TENM4: variants seen among roughly 807,000 people sequenced by gnomAD.
TENM4 encodes the protein teneurin transmembrane protein 4.
In TENM4, 82 loss-of-function variants were observed where a neutral mutation model predicts 243.3. The ratio of observed to expected loss-of-function variants is 0.34; its 90% CI spans 0.28 to 0.40. The LOEUF (loss-of-function observed/expected upper bound fraction) is 0.40, where lower values mean the gene tolerates loss of function less well. Ranked by LOEUF, TENM4 falls within the 10% of genes least tolerant of loss-of-function variation. The pLI is 1.00. For synonymous variants in TENM4, 1,412 were observed against 1,456.3 expected (o/e 0.97, Z 0.69); for missense variants, 3,138 against 3,673.3 (o/e 0.85, Z 3.77).
chr11:79,336,483 G>A (rs1042447954), intron 1 of TENM4, among the ~76,000 whole-genome samples: 2 of 152,208 alleles, frequency 1.3e-5, no homozygotes, highest in Admixed American at 1.3e-4. Flanking sequence ...GCAATAGCCA[G>A]CACATAGTAG....
intron 7 of TENM4, among the ~76,000 whole-genome samples, chr11:78,892,809 T>C (rs927293970): frequency 1.3e-5 from 2 of 152,240 alleles, no homozygotes; most frequent in East Asian, 3.8e-4. Flanking sequence ...GAAGCAACTT[T>C]TCTAAGGCCA....
At chr11:78,739,223 A>G (rs1855867802) in intron 19 of TENM4, among the ~76,000 whole-genome samples, 1 of 152,078 alleles carries the variant, frequency 6.6e-6, no homozygotes. Flanking sequence ...TTGGACAAGA[A>G]ATTACCTGCT....
At chr11:79,039,714 A>T (rs1271033242) in intron 6 of TENM4, among the ~76,000 whole-genome samples, 1 of 152,216 alleles carries the variant, frequency 6.6e-6, no homozygotes, top group Non-Finnish European at 1.5e-5. Context: ...GATGGGTTGA[A>T]AGGTGCAGCA....
At chr11:79,197,359 G>A (rs1035471335) in intron 3 of TENM4, among the ~76,000 whole-genome samples, 17 of 116,036 alleles carry the variant, frequency 1.5e-4, no homozygotes, top group African/African-American at 5.6e-4. Context: ...TTTTTAAAAA[G>A]CCCCTGCTTG....
intron 12 of TENM4, among the ~76,000 whole-genome samples, chr11:78,835,066 C>T (rs952605184): frequency 2.0e-5 from 3 of 152,096 alleles, no homozygotes; most frequent in Non-Finnish European, 4.4e-5. Context: ...TGTGGGTTTA[C>T]TCCTGCTTGT....
In TENM4 at chr11:78,732,455, A is replaced by G. The variant is rs1275391439; in HGVS notation, c.2999T>C (p.Ile1000Thr). ...AATCTCATTCTCCTCATGTCTCATG[A>G]TGATGGTTTCCATGACAAAGAAGCG... ...WDRFFVMETIIMRHEENEIPS... is the reference protein window; with the variant it reads ...WDRFFVMETITMRHEENEIPS... Residue 1000 changes from isoleucine to threonine, a missense_variant, in exon 21 of 34, where the codon ATC becomes ACC. Physicochemically the swap from Ile to Thr is moderately conservative, Grantham distance 89. This residue lies in a region of TENM4 where 2,467 missense variants were observed against 3,059.1 expected (regional missense o/e 0.81). Coordinates refer to ENST00000278550, the MANE Select transcript of TENM4 (RefSeq NM_001098816.3). The G allele has an allele frequency of 6.2e-7, 1 of 1,613,822 alleles. No individual in the cohort carries two copies. The highest frequency in any genetic ancestry group is 1.3e-5 in the African/African-American group (1 of 75,014).
At chr11:79,186,430 T>G (rs918170977) in intron 3 of TENM4, among the ~76,000 whole-genome samples, 1 of 152,228 alleles carries the variant, frequency 6.6e-6, no homozygotes, top group East Asian at 1.9e-4. Flanking sequence ...GCTTTATCTC[T>G]AAGCCTTATA....
intron 1 of TENM4, among the ~76,000 whole-genome samples, chr11:79,433,997 G>A (rs1315358094): frequency 6.6e-6 from 1 of 152,102 alleles, no homozygotes; most frequent in African/African-American, 2.4e-5. Flanking sequence ...CTGAGCATGG[G>A]GGCACCTTGG....
intron 2 of TENM4, among the ~76,000 whole-genome samples, chr11:79,268,543 C>CATGGACTACAAAT (rs1855917500): frequency 2.0e-5 from 3 of 152,122 alleles, no homozygotes; most frequent in African/African-American, 7.2e-5. Flanking sequence ...ACTACCTATT[C>CATGGACTACAAAT]ACAAAATTGT....
At chr11:79,060,630 G>A (rs1013782609) in intron 6 of TENM4, among the ~76,000 whole-genome samples, 5 of 152,288 alleles carry the variant, frequency 3.3e-5, no homozygotes, top group East Asian at 3.9e-4. Flanking sequence ...AGCTGAGGAC[G>A]CCTGCAGACT....
chr11:79,029,488 A>G (rs567523575), intron 6 of TENM4, among the ~76,000 whole-genome samples: 12 of 152,236 alleles, frequency 7.9e-5, no homozygotes, highest in Non-Finnish European at 1.5e-4. Context: ...TCCTGTGTCC[A>G]TGTTCTCTAC....
At chr11:78,980,539 G>A (rs908380307) in intron 6 of TENM4, among the ~76,000 whole-genome samples, 2 of 152,182 alleles carry the variant, frequency 1.3e-5, no homozygotes, top group African/African-American at 4.8e-5. Context: ...ATGAGCCCAA[G>A]GTCCTATAGG....
At chr11:78,930,549 C>T (rs1856645274) in intron 6 of TENM4, among the ~76,000 whole-genome samples, 2 of 152,160 alleles carry the variant, frequency 1.3e-5, no homozygotes, top group Non-Finnish European at 2.9e-5. Context: ...CCTATCTGAG[C>T]CTCGGTACGC....
At chr11:78,829,379 T>C (rs906270527) in intron 12 of TENM4, among the ~76,000 whole-genome samples, 2 of 152,174 alleles carry the variant, frequency 1.3e-5, no homozygotes, top group Non-Finnish European at 2.9e-5. Flanking sequence ...GGGCAAACCA[T>C]TTAGTGTCTC....
chr11:78,909,860 T>C (rs1017904169), intron 6 of TENM4, among the ~76,000 whole-genome samples: 4 of 152,176 alleles, frequency 2.6e-5, no homozygotes, highest in African/African-American at 9.7e-5. Flanking sequence ...GGTGGTCACT[T>C]CCTGGAGGTG....
In TENM4 at chr11:78,718,022, AG is replaced by A. The variant is rs1416965606; in HGVS notation, c.3821+2347del. Among the ~76,000 whole-genome samples, 3 of 152,340 alleles carry A rather than the reference AG, an allele frequency of 2.0e-5. No homozygotes were observed. In the East Asian group the frequency reaches 5.8e-4, roughly 29 times the overall value. On this transcript the variant is annotated intron_variant, in intron 25 of 33. Transcript: ENST00000278550. ...GCTGGAAAAGCAAAAGGCAGACATG[AG>A]TCTGCTCCGGGGAAGCACACACACA...
intron 9 of TENM4, among the ~76,000 whole-genome samples, chr11:78,886,916 C>T (rs1855559853): frequency 6.6e-6 from 1 of 152,244 alleles, no homozygotes; most frequent in African/African-American, 2.4e-5. Flanking sequence ...TCCACCTCCT[C>T]TTCTCCACCT....
At chr11:79,429,961 TAGAA>T (rs1859132025) in intron 1 of TENM4, among the ~76,000 whole-genome samples, 2 of 152,016 alleles carry the variant, frequency 1.3e-5, no homozygotes, top group Non-Finnish European at 2.9e-5. Flanking sequence ...GTCCCACAGA[TAGAA>T]AGTGTGAGAA....
chr11:79,288,003 A>G (rs1856287127), intron 2 of TENM4, among the ~76,000 whole-genome samples: 1 of 152,172 alleles, frequency 6.6e-6, no homozygotes, highest in Non-Finnish European at 1.5e-5. Context: ...AGCCTAATTG[A>G]TCTTTGGTTT....
Sources: allele counts gnomAD v4.1 joint callset (sites outside exome capture counted in the v4.1 genomes callset), GRCh38; gene constraint gnomAD v4.1.1; regional missense constraint gnomAD v4.1.1; transcripts MANE v1.5; gene names NCBI Gene and HGNC (gene_info 2026-07-23, HGNC 2026-07-21).